Variants in LINGO2 observed in about 807,000 individuals in gnomAD.
LINGO2 encodes the protein leucine rich repeat and Ig domain containing 2.
Under a neutral mutation model 30.6 loss-of-function variants are expected in LINGO2, and 14 were observed. The ratio of observed to expected loss-of-function variants is 0.46; its 90% CI spans 0.30 to 0.72. The LOEUF (loss-of-function observed/expected upper bound fraction) is 0.72, where lower values mean the gene tolerates loss of function less well. LINGO2 is among the 30% of genes least tolerant of loss of function. The pLI, the probability that LINGO2 is intolerant of heterozygous loss-of-function variation, is 0.07. For missense variants in LINGO2, 729 were observed against 751.7 expected (o/e 0.97, Z 0.35); for synonymous variants, 317 against 288.5 (o/e 1.10, Z -1.00).
chr9:28,166,856 C>T lies in LINGO2; in HGVS notation c.-87+128352G>A, dbSNP rs956436992. On this transcript the variant is annotated intron_variant, in intron 4 of 5. Coordinates refer to ENST00000379992, the Ensembl canonical transcript of LINGO2. ...TCAATTCCTCTTGTCTACTATTACTCTTACTCCCATTACTCTGTGCTATTT... is the reference window on the plus strand; with the variant it reads ...TCAATTCCTCTTGTCTACTATTACTTTTACTCCCATTACTCTGTGCTATTT... 2.6e-5 allele frequency among the ~76,000 whole-genome samples: 4 copies of T among 152,096 alleles called. No individual in the cohort carries two copies. In the East Asian group the frequency reaches 5.8e-4, roughly 22 times the overall value.
At chr9:28,462,182 C>A (rs538268421) in intron 2 of LINGO2, among the ~76,000 whole-genome samples, 3 of 152,042 alleles carry the variant, frequency 2.0e-5, no homozygotes, top group Admixed American at 6.6e-5. Flanking sequence ...CTGACTCTGT[C>A]CATTAGGGTT....
intron 1 of LINGO2, among the ~76,000 whole-genome samples, chr9:28,580,381 T>C (rs1178899463): frequency 2.0e-5 from 3 of 152,066 alleles, no homozygotes; most frequent in Admixed American, 2.0e-4. Flanking sequence ...GGCAAAACAC[T>C]TAAAGTTACC....
intron 5 of LINGO2, among the ~76,000 whole-genome samples, chr9:27,989,701 CCG>C (rs1821301920): frequency 1.3e-5 from 2 of 151,998 alleles, no homozygotes; most frequent in Admixed American, 1.3e-4. Context: ...GAGTTAAACA[CCG>C]TGCTACACAC....
chr9:28,089,578 A>C (rs906976411), intron 4 of LINGO2, among the ~76,000 whole-genome samples: 6 of 152,182 alleles, frequency 3.9e-5, no homozygotes, highest in African/African-American at 7.2e-5. Flanking sequence ...TGTAGAGGGA[A>C]ATTTATAGCA....
At chr9:27,976,594 G>A (rs1056986854) in intron 5 of LINGO2, among the ~76,000 whole-genome samples, 2 of 151,930 alleles carry the variant, frequency 1.3e-5, no homozygotes, top group Non-Finnish European at 2.9e-5. Context: ...TTATAGATAG[G>A]CAATTGATTT....
chr9:28,548,141 G>A (rs113722631), intron 1 of LINGO2, among the ~76,000 whole-genome samples: 56 of 152,184 alleles, frequency 3.7e-4, no homozygotes, highest in African/African-American at 1.3e-3. Flanking sequence ...TAATAAGCCT[G>A]CCAGAGTTTC....
At chr9:29,086,185 G>A in the LINGO2 span, among the ~76,000 whole-genome samples, 1 of 152,136 alleles carries the variant, frequency 6.6e-6, no homozygotes, top group Non-Finnish European at 1.5e-5. Context: ...TCCATGGTTA[G>A]AGAACATAGC....
intron 1 of LINGO2, among the ~76,000 whole-genome samples, chr9:28,663,219 G>C (rs1828651746): frequency 6.6e-6 from 1 of 152,076 alleles, no homozygotes; most frequent in South Asian, 2.1e-4. Context: ...TGCCCAGGCT[G>C]GAGTGCAGTG....
intron 1 of LINGO2, among the ~76,000 whole-genome samples, chr9:28,501,277 C>A (rs1345436133): frequency 6.6e-6 from 1 of 152,072 alleles, no homozygotes; most frequent in Non-Finnish European, 1.5e-5. Context: ...CAGCATGCTG[C>A]GTTCTTTGTT....
At chr9:28,023,384 G>C (rs1197916) in intron 4 of LINGO2, among the ~76,000 whole-genome samples, 141,995 of 143,860 alleles carry the variant, frequency 0.99, 70,099 homozygotes, top group Middle Eastern at 1. Flanking sequence ...TCAAATTCCT[G>C]TAATATCCTT....
the LINGO2 span, among the ~76,000 whole-genome samples, chr9:28,726,224 A>G: frequency 6.6e-6 from 1 of 152,014 alleles, no homozygotes. Context: ...TGAATATCTC[A>G]TTATTTCGTC....
Position 28,045,436 on chromosome 9 carries a change from T to G in LINGO2, c.-86-33031A>C, listed in dbSNP as rs1275707765. Among the ~76,000 whole-genome samples the G allele has an allele frequency of 2.0e-4, 30 of 152,090 alleles. 1 individual carries two copies. In the East Asian group the frequency reaches 4.8e-3, roughly 24 times the overall value. ...TCTAGCAACTTATAAAGCTATATTC[T>G]CTTTGCATATCTGAATGTTGTGTAA... is the stretch of plus-strand genomic sequence containing the variant. On this transcript the variant is annotated intron_variant, in intron 4 of 5. Transcript: ENST00000379992.
the LINGO2 span, among the ~76,000 whole-genome samples, chr9:29,212,581 C>G: frequency 6.6e-6 from 1 of 151,988 alleles, no homozygotes; most frequent in Non-Finnish European, 1.5e-5. Flanking sequence ...GGGGGTGGGT[C>G]TGCGGTGCTA....
chr9:29,061,132 T>G, the LINGO2 span, among the ~76,000 whole-genome samples: 2 of 151,720 alleles, frequency 1.3e-5, no homozygotes, highest in African/African-American at 4.8e-5. Flanking sequence ...AGGAAAAAAA[T>G]TGGCACATCC....
At chr9:28,716,173 CA>C in the LINGO2 span, among the ~76,000 whole-genome samples, 11 of 148,410 alleles carry the variant, frequency 7.4e-5, no homozygotes, top group African/African-American at 2.5e-4. Context: ...AAAAAAAAAA[CA>C]ACATAAACAA....
the LINGO2 span, among the ~76,000 whole-genome samples, chr9:28,715,411 A>G: frequency 6.6e-5 from 10 of 152,182 alleles, no homozygotes; most frequent in East Asian, 1.3e-3. Context: ...GCTGAAATAT[A>G]TCCACTGTTT....
chr9:28,425,835 T>A (rs559499776), intron 2 of LINGO2, among the ~76,000 whole-genome samples: 2 of 152,208 alleles, frequency 1.3e-5, no homozygotes, highest in Non-Finnish European at 2.9e-5. Context: ...AAATGGGAAC[T>A]CTCTCAAAGA....
the LINGO2 span, among the ~76,000 whole-genome samples, chr9:28,878,519 G>GT: frequency 6.6e-6 from 1 of 152,108 alleles, no homozygotes. Flanking sequence ...ACCAAAGCCA[G>GT]GCAGAGACAC....
At chr9:28,936,149 G>T in the LINGO2 span, among the ~76,000 whole-genome samples, 1 of 152,090 alleles carries the variant, frequency 6.6e-6, no homozygotes, top group African/African-American at 2.4e-5. Flanking sequence ...TAACTTCCAT[G>T]TGCAAACTCA....
Sources: allele counts gnomAD v4.1 joint callset (sites outside exome capture counted in the v4.1 genomes callset), GRCh38; gene constraint gnomAD v4.1.1; transcripts MANE v1.5; gene names NCBI Gene and HGNC (gene_info 2026-07-23, HGNC 2026-07-21).